NEGR1: variants seen among roughly 807,000 people sequenced by gnomAD.
NEGR1 encodes IgLON family member 4.
In NEGR1, 10 loss-of-function variants were observed where a neutral mutation model predicts 40.9. The observed-to-expected ratio is 0.24, with a 90% CI of 0.15 to 0.42. The LOEUF (loss-of-function observed/expected upper bound fraction) is 0.42, where lower values mean the gene tolerates loss of function less well. Ranked by LOEUF, NEGR1 falls within the 10% of genes least tolerant of loss-of-function variation. The pLI is 1.00. For missense variants in NEGR1, 352 were observed against 438.9 expected, an observed-to-expected ratio of 0.80 and a Z score of 1.77; for synonymous variants, 185 against 166.8, an observed-to-expected ratio of 1.11 and a Z score of -0.84.
intron 2 of NEGR1, among the ~76,000 whole-genome samples, chr1:71,913,948 A>G (rs982442513): frequency 6.6e-6 from 1 of 152,082 alleles, no homozygotes; most frequent in Non-Finnish European, 1.5e-5. Flanking sequence ...TCCCTCAGTG[A>G]TAAGCTTCTC....
chr1:72,208,469 G>A (rs1315025773), intron 1 of NEGR1, among the ~76,000 whole-genome samples: 1 of 151,466 alleles, frequency 6.6e-6, no homozygotes, highest in Non-Finnish European at 1.5e-5. Context: ...AAAGAAATCT[G>A]CAGATAGTTT....
chr1:72,201,717 T>C (rs1653219164), intron 1 of NEGR1, among the ~76,000 whole-genome samples: 1 of 151,832 alleles, frequency 6.6e-6, no homozygotes, highest in South Asian at 2.1e-4. Context: ...TCAGGGTATG[T>C]GATTTTACCA....
intron 1 of NEGR1, among the ~76,000 whole-genome samples, chr1:72,087,639 T>C (rs540305863): frequency 4.3e-4 from 65 of 151,922 alleles, no homozygotes; most frequent in African/African-American, 1.5e-3. Flanking sequence ...ATTTATTTAC[T>C]GAGACAAGAT....
At chr1:71,642,547 C>T (rs1644250135) in intron 4 of NEGR1, among the ~76,000 whole-genome samples, 1 of 151,666 alleles carries the variant, frequency 6.6e-6, no homozygotes, top group Admixed American at 6.6e-5. Flanking sequence ...CTTGCTGTAA[C>T]ACCAATCAGA....
At chr1:71,927,977 C>A (rs1196465642) in intron 2 of NEGR1, among the ~76,000 whole-genome samples, 3 of 146,406 alleles carry the variant, frequency 2.0e-5, no homozygotes, top group African/African-American at 5.1e-5. Flanking sequence ...TCAGCCTGGA[C>A]ACAGAGTGAG....
At chr1:71,551,237 A>C (rs1223861132) in intron 6 of NEGR1, among the ~76,000 whole-genome samples, 4 of 151,650 alleles carry the variant, frequency 2.6e-5, no homozygotes, top group Non-Finnish European at 4.4e-5. Context: ...ACAATTATGA[A>C]AGAAAAATCA....
chr1:72,094,892 T>C (rs1440731694), intron 1 of NEGR1, among the ~76,000 whole-genome samples: 2 of 152,094 alleles, frequency 1.3e-5, no homozygotes, highest in African/African-American at 2.4e-5. Context: ...AATTCATAAA[T>C]AGCAAGTGCA....
chr1:72,072,028 A>G (rs1018836596), intron 1 of NEGR1, among the ~76,000 whole-genome samples: 1 of 152,128 alleles, frequency 6.6e-6, no homozygotes, highest in African/African-American at 2.4e-5. Flanking sequence ...TCTTAATATG[A>G]ATGTGTTATA....
chr1:72,093,316 C>A (rs1430358496), intron 1 of NEGR1, among the ~76,000 whole-genome samples: 5 of 98,754 alleles, frequency 5.1e-5, no homozygotes, highest in African/African-American at 2.2e-4. Flanking sequence ...GGTGCCAGAG[C>A]TAGACTCTGC....
At chr1:71,945,549 T>C (rs1308881387) in intron 1 of NEGR1, among the ~76,000 whole-genome samples, 1 of 152,134 alleles carries the variant, frequency 6.6e-6, no homozygotes, top group Non-Finnish European at 1.5e-5. Context: ...GGTAGCTAAT[T>C]GTCATATGTA....
intron 2 of NEGR1, among the ~76,000 whole-genome samples, chr1:71,827,188 T>G (rs891260822): frequency 6.6e-6 from 1 of 151,408 alleles, no homozygotes; most frequent in African/African-American, 2.4e-5. Context: ...TATTCTATTG[T>G]GTTCTGTTTT....
chr1:71,941,393 ATATG>A (rs1169577998), intron 1 of NEGR1, among the ~76,000 whole-genome samples: 1 of 152,164 alleles, frequency 6.6e-6, no homozygotes, highest in Non-Finnish European at 1.5e-5. Context: ...TTCCTAGATA[ATATG>A]TATGTATGTA....
At chr1:71,658,302 T>C (rs1651939890) in intron 4 of NEGR1, among the ~76,000 whole-genome samples, 1 of 152,212 alleles carries the variant, frequency 6.6e-6, no homozygotes, top group Admixed American at 6.5e-5. Context: ...GATGTATGAT[T>C]ATATTCTAAA....
intron 4 of NEGR1, among the ~76,000 whole-genome samples, chr1:71,647,122 C>T (rs1395269245): frequency 6.6e-6 from 1 of 151,716 alleles, no homozygotes; most frequent in Non-Finnish European, 1.5e-5. Context: ...TATATTGGCC[C>T]TAAAGTGTTC....
chr1:71,546,404 G>A (rs1443338129), intron 6 of NEGR1, among the ~76,000 whole-genome samples: 7 of 151,778 alleles, frequency 4.6e-5, no homozygotes, highest in Middle Eastern at 6.8e-3. Flanking sequence ...ATGCTTTCTA[G>A]TGGGCACACA....
At chr1:71,682,001 A>G (rs754237333) in intron 4 of NEGR1, among the ~76,000 whole-genome samples, 8 of 152,042 alleles carry the variant, frequency 5.3e-5, no homozygotes, top group Non-Finnish European at 7.4e-5. Context: ...TAACTTTTGT[A>G]TTTTTAGTAG....
intron 6 of NEGR1, among the ~76,000 whole-genome samples, chr1:71,568,257 T>C (rs1379913210): frequency 2.0e-5 from 3 of 152,176 alleles, no homozygotes; most frequent in Non-Finnish European, 4.4e-5. Context: ...TGATGGGGGA[T>C]ACGCATTCCA....
At position 71,789,049 on chromosome 1, in the gene NEGR1, G is replaced by T. The variant is rs17091759; in HGVS notation, c.410-12752C>A. On this transcript the variant is annotated intron_variant, in intron 2 of 6. Coordinates refer to ENST00000357731, the MANE Select transcript of NEGR1 (RefSeq NM_173808.3). ...CAGATAAAGATAGAAGGATGGCAAA[G>T]GCGATACCAAGATATTTTTTGGAAT... Among the ~76,000 whole-genome samples the T allele has an allele frequency of 1.8e-3, 276 of 152,170 alleles. 7 individuals carry two copies. The East Asian group carries it at 0.049, about 27-fold the overall frequency.
At chr1:72,208,038 T>C (rs1380777914) in intron 1 of NEGR1, among the ~76,000 whole-genome samples, 2 of 151,714 alleles carry the variant, frequency 1.3e-5, no homozygotes, top group African/African-American at 2.4e-5. Context: ...AGAATAATTC[T>C]GCATATTCTA....
Sources: gnomAD v4.1 joint callset for allele counts (sites outside exome capture counted in the v4.1 genomes callset) on GRCh38, gnomAD v4.1.1 for gene constraint, MANE v1.5 for transcripts, NCBI Gene and HGNC (gene_info 2026-07-23, HGNC 2026-07-21) for gene names.